SLC38A12: variants seen among roughly 807,000 people sequenced by gnomAD.
The protein encoded by SLC38A12 is putative sodium-coupled neutral amino acid transporter 12.
the SLC38A12 span, among the ~76,000 whole-genome samples, chr17:74,805,797 C>T: frequency 7.9e-5 from 12 of 152,288 alleles, no homozygotes; most frequent in African/African-American, 2.6e-4. This position sits in a 1 kb window ranked among gnomAD's most constrained non-coding sequence, Gnocchi z 5.0. Context: ...CTTCCTGCGC[C>T]GAGAGCATGG....
the SLC38A12 span, among the ~76,000 whole-genome samples, chr17:74,831,287 C>G: frequency 6.6e-6 from 1 of 152,168 alleles, no homozygotes; most frequent in Non-Finnish European, 1.5e-5. Flanking sequence ...ACTCTGGGCT[C>G]CAGAAGGACA....
the SLC38A12 span, among the ~76,000 whole-genome samples, chr17:74,814,246 A>G: frequency 3.4e-5 from 5 of 148,984 alleles, no homozygotes; most frequent in Non-Finnish European, 7.5e-5. Context: ...CGGGCATCCC[A>G]GGCCCCCTTC....
the SLC38A12 span, among the ~76,000 whole-genome samples, chr17:74,815,522 G>C: frequency 3.3e-5 from 5 of 152,336 alleles, no homozygotes; most frequent in East Asian, 5.8e-4. Context: ...CTTTACTTTT[G>C]TGCTCTAATG....
the SLC38A12 span, among the ~76,000 whole-genome samples, chr17:74,834,810 C>T: frequency 6.6e-6 from 1 of 152,234 alleles, no homozygotes; most frequent in South Asian, 2.1e-4. Flanking sequence ...ATGTTCTGAA[C>T]AGAGAGAGCA....
At chr17:74,803,084 G>A in the SLC38A12 span, among the ~76,000 whole-genome samples, 1 of 152,096 alleles carries the variant, frequency 6.6e-6, no homozygotes, top group Non-Finnish European at 1.5e-5. Flanking sequence ...AAATTGGGAG[G>A]GTAGTTACTT....
chr17:74,819,546 A>G, the SLC38A12 span, among the ~76,000 whole-genome samples: 1 of 152,192 alleles, frequency 6.6e-6, no homozygotes, highest in African/African-American at 2.4e-5. Flanking sequence ...AGCAGCAGGG[A>G]AGCATGGCTC....
At chr17:74,780,698 T>C in the SLC38A12 span, among the ~76,000 whole-genome samples, 2 of 152,172 alleles carry the variant, frequency 1.3e-5, no homozygotes, top group African/African-American at 4.8e-5. Flanking sequence ...TGAAGAGGAC[T>C]GAATGCTCGC....
At chr17:74,808,625 GGA>G in the SLC38A12 span, among the ~76,000 whole-genome samples, 1 of 152,182 alleles carries the variant, frequency 6.6e-6, no homozygotes, top group Non-Finnish European at 1.5e-5. Context: ...GGAGAGCTTG[GGA>G]AGGGCTCCAG....
At chr17:74,837,325 C>T in the SLC38A12 span, 2 of 985,376 alleles carry the variant, frequency 2.0e-6, no homozygotes, top group Non-Finnish European at 2.4e-6. Context: ...CGAGGGCCCT[C>T]GCTGTGGGCG....
chr17:74,785,655 A>T, the SLC38A12 span: 572 of 1,591,128 alleles, frequency 3.6e-4, 2 homozygotes, highest in African/African-American at 6.2e-3. Flanking sequence ...AGCAGGAGGG[A>T]GTCAGCCCAG....
At chr17:74,819,945 T>G in the SLC38A12 span, 1 of 1,070,386 alleles carries the variant, frequency 9.3e-7, no homozygotes, top group Non-Finnish European at 1.4e-6. Flanking sequence ...AGCTGGAGTG[T>G]GGTGGTGGTT....
chr17:74,809,516 C>G, the SLC38A12 span, among the ~76,000 whole-genome samples: 2 of 152,194 alleles, frequency 1.3e-5, no homozygotes, highest in Non-Finnish European at 2.9e-5. Context: ...CAGCTCTCGT[C>G]CCATGCAGCC....
At chr17:74,812,621 C>A in the SLC38A12 span, among the ~76,000 whole-genome samples, 1 of 152,034 alleles carries the variant, frequency 6.6e-6, no homozygotes, top group Non-Finnish European at 1.5e-5. Context: ...CCTCCAGGAT[C>A]AGGGAGCTCG....
the SLC38A12 span, chr17:74,837,724 C>T: frequency 1.0e-6 from 1 of 985,804 alleles, no homozygotes; most frequent in Non-Finnish European, 1.2e-6. Context: ...TGGAAGGAGG[C>T]CAGGTCCCCA....
chr17:74,828,813 G>A, the SLC38A12 span, among the ~76,000 whole-genome samples: 3 of 152,160 alleles, frequency 2.0e-5, no homozygotes, highest in East Asian at 1.9e-4. Context: ...CAGGGCAGAT[G>A]ACAGGGTTAG....
chr17:74,837,513 C>T, the SLC38A12 span: 1 of 985,460 alleles, frequency 1.0e-6, no homozygotes, highest in Non-Finnish European at 1.2e-6. Flanking sequence ...GGAAGCCATC[C>T]CCACCTGGCA....
the SLC38A12 span, among the ~76,000 whole-genome samples, chr17:74,833,366 T>C: frequency 6.6e-6 from 1 of 152,332 alleles, no homozygotes; most frequent in East Asian, 1.9e-4. Flanking sequence ...ACATCATTGT[T>C]GGTGTCAAAG....
At chr17:74,778,004 C>G in the SLC38A12 span, among the ~76,000 whole-genome samples, 1 of 152,208 alleles carries the variant, frequency 6.6e-6, no homozygotes, top group Non-Finnish European at 1.5e-5. Context: ...GCTGTTGACT[C>G]TGGGTTTTGC....
At chr17:74,824,605 T>A in the SLC38A12 span, among the ~76,000 whole-genome samples, 2 of 152,130 alleles carry the variant, frequency 1.3e-5, no homozygotes, top group Admixed American at 6.5e-5. Context: ...AAATCCGGAT[T>A]CTTTTTAACA....
Sources: gnomAD v4.1 joint callset for allele counts (sites outside exome capture counted in the v4.1 genomes callset) on GRCh38, gnomAD v4.1.1 for gene constraint, Gnocchi (gnomAD v3.1) non-coding constraint, MANE v1.5 for transcripts, NCBI Gene and HGNC (gene_info 2026-07-23, HGNC 2026-07-21) for gene names.